The following PIK3C2A variants were observed in gnomAD, a reference collection of about 807,000 sequenced individuals.
PIK3C2A encodes the protein phosphatidylinositol-4-phosphate 3-kinase catalytic subunit type 2 alpha.
A neutral mutation model predicts 204.5 loss-of-function variants in PIK3C2A; 97 were observed. That is an observed-to-expected ratio of 0.47 (90% CI 0.40 to 0.56). PIK3C2A has a LOEUF of 0.56. Among genes scored for constraint, PIK3C2A ranks in the 20% least tolerant of loss-of-function variants. The pLI is 0.00. For missense variants in PIK3C2A, 1,735 were observed against 1,969.2 expected (o/e 0.88, Z 2.25); for synonymous variants, 653 against 664.4 (o/e 0.98, Z 0.26).
At chr11:17,096,727 T>A (rs949579631) in intron 27 of PIK3C2A, among the ~76,000 whole-genome samples, 4 of 152,350 alleles carry the variant, frequency 2.6e-5, no homozygotes, top group South Asian at 4.1e-4. Flanking sequence ...AGTTCCTGTA[T>A]CTGTTCAAAG....
At chr11:17,186,228 T>G (rs1475426201) in intron 1 of PIK3C2A, among the ~76,000 whole-genome samples, 1 of 152,140 alleles carries the variant, frequency 6.6e-6, no homozygotes, top group Admixed American at 6.6e-5. Flanking sequence ...AAGTCCTCCC[T>G]GATAACCAAG....
At chr11:17,135,688 TG>T (rs2137392845) in intron 9 of PIK3C2A, among the ~76,000 whole-genome samples, 1 of 127,362 alleles carries the variant, frequency 7.9e-6, no homozygotes, top group South Asian at 2.5e-4. Flanking sequence ...TGTGTGTGTG[TG>T]TGTGTGTGTG....
rs368455172 is a variant in PIK3C2A at position 17,117,631 on chromosome 11, G to C, written c.3076C>G (p.Arg1026Gly). ...AGAGCACCCAAAACATGTTCGTATC[G>C]GGTACTAAACTGTACATCATGCAGG... ...DALHDVQFST[R>G]YEHVLGALLS... Residue 1026 changes from arginine to glycine, a missense_variant, in exon 19 of 33, where the codon CGA becomes GGA. Arg to Gly is a moderately radical substitution (Grantham distance 125). This residue lies in a region of PIK3C2A where 567 missense variants were observed against 576.0 expected (regional missense o/e 0.98). Transcript: ENST00000691414. The C allele has an allele frequency of 1.7e-5, 27 of 1,612,520 alleles. No homozygotes were observed. Among genetic ancestry groups the C allele is most frequent in the Non-Finnish European group, 1.3e-5 (15 of 1,178,996 alleles).
chr11:17,135,677 ATGTG>A (rs35017690), intron 9 of PIK3C2A, among the ~76,000 whole-genome samples: 8,077 of 147,386 alleles, frequency 0.055, 317 homozygotes, highest in African/African-American at 0.11. Flanking sequence ...AATTTCATAT[ATGTG>A]TGTGTGTGTG....
chr11:17,157,830 C>T (rs1850646475), intron 2 of PIK3C2A, among the ~76,000 whole-genome samples: 1 of 152,174 alleles, frequency 6.6e-6, no homozygotes, highest in Admixed American at 6.5e-5. Flanking sequence ...GACTATATTA[C>T]TCTAAAGAAT....
chr11:17,125,908 G>A (rs950926711), intron 13 of PIK3C2A, among the ~76,000 whole-genome samples: 1 of 152,030 alleles, frequency 6.6e-6, no homozygotes, highest in African/African-American at 2.4e-5. Context: ...TGGATCACTC[G>A]AGGCCAGGAG....
Position 17,089,734 on chromosome 11 carries a change from T to A in PIK3C2A, c.*4A>T, listed in dbSNP as rs1172785260. 2.5e-6 allele frequency: 4 copies of A among 1,604,316 alleles called. No individual in the cohort carries two copies. The South Asian group carries it at 4.4e-5, about 18-fold the overall frequency. On this transcript the variant is annotated 3_prime_UTR_variant, in exon 33 of 33. Transcript: ENST00000691414. ...ATGCTTCCAAAGCTCAAACATTCACTAGTTTACAAGTATGTTGCCGCAGTC... is the reference window on the plus strand; with the variant it reads ...ATGCTTCCAAAGCTCAAACATTCACAAGTTTACAAGTATGTTGCCGCAGTC...
Position 17,129,421 on chromosome 11 carries a change from G to T in PIK3C2A, c.2278C>A (p.Leu760Ile). Residue 760 changes from leucine (L) to isoleucine (I), a missense_variant, in exon 13 of 33, where the codon CTT (leucine) becomes ATT (isoleucine). By Grantham distance (5) the Leu-to-Ile change is conservative (BLOSUM62 2). This residue lies in a region of PIK3C2A where 567 missense variants were observed against 576.0 expected (regional missense o/e 0.98). Coordinates refer to ENST00000691414, the MANE Select transcript of PIK3C2A (RefSeq NM_002645.4). ...QISQLPLESVLHLTLFGILNQ... is the reference protein window; with the variant it reads ...QISQLPLESVIHLTLFGILNQ... ...AAAATTCCAAAAAGAGTAAGGTGAA[G>T]AACTGATTCTAATGGCAATTGTGAT... The T allele has an allele frequency of 1.2e-6, 2 of 1,610,496 alleles. No homozygotes were observed. Among genetic ancestry groups the T allele is most frequent in the Non-Finnish European group, 1.7e-6 (2 of 1,176,758 alleles).
intron 22 of PIK3C2A, among the ~76,000 whole-genome samples, chr11:17,106,336 C>T (rs1007681967): frequency 6.6e-6 from 1 of 152,020 alleles, no homozygotes; most frequent in Admixed American, 6.6e-5. Flanking sequence ...TACTTGAACC[C>T]AGGAGGCAGA....
intron 20 of PIK3C2A, among the ~76,000 whole-genome samples, chr11:17,113,714 G>A (rs1344699580): frequency 1.3e-5 from 2 of 150,598 alleles, no homozygotes; most frequent in South Asian, 2.1e-4. Flanking sequence ...CCTGGGAGGC[G>A]GAGGTCGCAA....
At chr11:17,134,472 C>G (rs754891886) in intron 11 of PIK3C2A, among the ~76,000 whole-genome samples, 2 of 152,110 alleles carry the variant, frequency 1.3e-5, no homozygotes, top group Non-Finnish European at 2.9e-5. Flanking sequence ...AGTGATTCTC[C>G]TGCCTCAGCC....
intron 2 of PIK3C2A, among the ~76,000 whole-genome samples, chr11:17,167,426 C>T (rs113071875): frequency 2.6e-5 from 4 of 152,084 alleles, no homozygotes; most frequent in African/African-American, 9.7e-5. Context: ...AGTTCGAGAC[C>T]AGCCTGACTA....
chr11:17,148,855 AT>A, intron 4 of PIK3C2A, 68 bp from the exon 5 acceptor site: 1 of 1,296,744 alleles, frequency 7.7e-7, no homozygotes, highest in Non-Finnish European at 1.1e-6. Context: ...ATTACTTATA[AT>A]TTAAGACAGC....
chr11:17,158,530 C>T (rs185127599), intron 2 of PIK3C2A, among the ~76,000 whole-genome samples: 272 of 152,010 alleles, frequency 1.8e-3, no homozygotes, highest in Middle Eastern at 6.8e-3. Context: ...CTAATATAGG[C>T]AGAGTGTGAA....
chr11:17,089,488 G>A lies in PIK3C2A; in HGVS notation c.*250C>T. Reference sequence around the variant, plus strand: ...GGAATTAGTATATATTAAGTTTAGGGTTTGTAGCATTCTACATAATGACTT... The same window carrying A: ...GGAATTAGTATATATTAAGTTTAGGATTTGTAGCATTCTACATAATGACTT... On this transcript the variant is annotated 3_prime_UTR_variant, in exon 33 of 33. Coordinates refer to ENST00000691414, the MANE Select transcript of PIK3C2A (RefSeq NM_002645.4). 1 of 394,114 alleles carries A rather than the reference G, an allele frequency of 2.5e-6. No individual in the cohort carries two copies. The highest frequency in any genetic ancestry group is 4.6e-6 in the Non-Finnish European group (1 of 217,960). The allele number at this position is 394,114 out of a possible 1,614,324, so 24.4% of individuals were successfully genotyped here. A position where few individuals can be genotyped will look rare whatever the true frequency, so the allele number is the denominator to read the frequency against.
At chr11:17,205,538 A>C (rs1852539888) in intron 1 of PIK3C2A, among the ~76,000 whole-genome samples, 1 of 151,956 alleles carries the variant, frequency 6.6e-6, no homozygotes, top group South Asian at 2.1e-4. Flanking sequence ...AGTTACAAAA[A>C]ATGCTTTGCA....
At chr11:17,196,887 A>AT (rs1852180061) in intron 1 of PIK3C2A, among the ~76,000 whole-genome samples, 1 of 151,968 alleles carries the variant, frequency 6.6e-6, no homozygotes, top group Non-Finnish European at 1.5e-5. Flanking sequence ...CAAGGATACA[A>AT]TTTTCAATAG....
intron 1 of PIK3C2A, among the ~76,000 whole-genome samples, chr11:17,186,403 C>T (rs1166237287): frequency 6.6e-6 from 1 of 152,032 alleles, no homozygotes; most frequent in East Asian, 1.9e-4. Flanking sequence ...ATTTATTTGT[C>T]TGGTTTACTG....
In PIK3C2A at chr11:17,145,679, G is replaced by C. The variant is rs189274292; in HGVS notation, c.1693C>G (p.Leu565Val). 4.5e-5 allele frequency: 72 copies of C among 1,598,914 alleles called. 1 individual carries two copies. The African/African-American group carries it at 8.2e-4, about 18-fold the overall frequency. Residue 565 changes from leucine to valine, a missense_variant, in exon 8 of 33, where the codon CTT becomes GTT. Transcript: ENST00000691414. ...DSYHNQVELA[L>V]QIENQHRAVD... ...GAATTAAGACTTACTTCAATTTGAA[G>C]AGCCAGTTCTACTTGGTTGTGATAA...
Sources: gnomAD v4.1 joint callset for allele counts (sites outside exome capture counted in the v4.1 genomes callset) on GRCh38, gnomAD v4.1.1 for gene constraint, gnomAD v4.1.1 regional missense constraint, MANE v1.5 for transcripts, NCBI Gene and HGNC (gene_info 2026-07-23, HGNC 2026-07-21) for gene names.